The following SH3RF3 variants were observed in gnomAD, a reference collection of about 807,000 sequenced individuals.
SH3RF3 encodes SH3 domain containing ring finger 3.
In SH3RF3, 29 loss-of-function variants were observed where a neutral mutation model predicts 66.3. The observed-to-expected ratio is 0.44, with a 90% CI of 0.33 to 0.60. The LOEUF is 0.60. Ranked by LOEUF, SH3RF3 falls within the 20% of genes least tolerant of loss-of-function variation. The pLI is 0.04. For missense variants in SH3RF3, 1,194 were observed against 1,190.9 expected, an observed-to-expected ratio of 1.00 and a Z score of -0.04; for synonymous variants, 583 against 532.0, an observed-to-expected ratio of 1.10 and a Z score of -1.32.
chr2:109,157,007 A>C (rs2104893049), intron 1 of SH3RF3, among the ~76,000 whole-genome samples: 1 of 152,304 alleles, frequency 6.6e-6, no homozygotes, highest in East Asian at 1.9e-4. Flanking sequence ...TAAATGACAT[A>C]TTACTCCAGG....
At chr2:109,180,798 C>T (rs186081468) in intron 1 of SH3RF3, among the ~76,000 whole-genome samples, 1 of 152,298 alleles carries the variant, frequency 6.6e-6, no homozygotes, top group Non-Finnish European at 1.5e-5. Flanking sequence ...TCTGGTATGT[C>T]TATCAGCAGT....
chr2:109,422,504 C>T (rs1434721180), intron 5 of SH3RF3, among the ~76,000 whole-genome samples: 4 of 152,226 alleles, frequency 2.6e-5, no homozygotes, highest in East Asian at 1.9e-4. Context: ...CTCAGTTGCC[C>T]GGAAACACAA....
intron 9 of SH3RF3, among the ~76,000 whole-genome samples, chr2:109,494,856 C>T (rs1408144758): frequency 2.6e-5 from 4 of 152,252 alleles, no homozygotes; most frequent in South Asian, 2.1e-4. Context: ...GGAAAGAGAG[C>T]GGGCGCTGCT....
chr2:109,168,005 A>C (rs1286726953), intron 1 of SH3RF3, among the ~76,000 whole-genome samples: 1 of 152,166 alleles, frequency 6.6e-6, no homozygotes, highest in African/African-American at 2.4e-5. Context: ...TGATCTCTCT[A>C]AATGTGGCAT....
At chr2:109,275,133 C>G (rs1680724572) in intron 1 of SH3RF3, among the ~76,000 whole-genome samples, 1 of 152,030 alleles carries the variant, frequency 6.6e-6, no homozygotes, top group African/African-American at 2.4e-5. Flanking sequence ...TTATTATCAC[C>G]ACAGCAAGAG....
intron 3 of SH3RF3, among the ~76,000 whole-genome samples, chr2:109,387,725 C>T (rs1406170811): frequency 6.6e-6 from 1 of 152,226 alleles, no homozygotes; most frequent in Admixed American, 6.5e-5. Flanking sequence ...GAAATATTCA[C>T]TTATTCCTTG....
Position 109,334,097 on chromosome 2 carries a change from G to A in SH3RF3, c.574-13577G>A, listed in dbSNP as rs187696840. On this transcript the variant is annotated intron_variant, in intron 1 of 9. Transcript: ENST00000309415. ...CTCAAAACCAGGTTCAGAGGCTCAC[G>A]CCTATAATCCCAGCGCTTTGGGAGG... 4.8e-3 allele frequency among the ~76,000 whole-genome samples: 726 copies of A among 152,270 alleles called. 4 individuals are homozygous for A. The highest frequency in any genetic ancestry group is 7.3e-3 in the Non-Finnish European group (499 of 68,022).
chr2:109,285,578 G>A (rs1432770415), intron 1 of SH3RF3, among the ~76,000 whole-genome samples: 3 of 152,206 alleles, frequency 2.0e-5, no homozygotes, highest in Non-Finnish European at 4.4e-5. Flanking sequence ...GGTGCGTCAT[G>A]TTCTGGCCAC....
At chr2:109,279,805 G>T (rs968381786) in intron 1 of SH3RF3, among the ~76,000 whole-genome samples, 4 of 152,214 alleles carry the variant, frequency 2.6e-5, no homozygotes, top group Non-Finnish European at 4.4e-5. Flanking sequence ...GCAAGAAGAG[G>T]TCCGGGAGGA....
intron 1 of SH3RF3, among the ~76,000 whole-genome samples, chr2:109,315,588 A>G (rs186507340): frequency 5.9e-5 from 9 of 152,330 alleles, no homozygotes; most frequent in Admixed American, 5.9e-4. Context: ...TCTGTGCAGA[A>G]CTTTCAGAAA....
intron 9 of SH3RF3, among the ~76,000 whole-genome samples, chr2:109,493,633 G>A (rs1239496571): frequency 6.8e-6 from 1 of 147,820 alleles, no homozygotes; most frequent in East Asian, 2.0e-4. Flanking sequence ...CCCCACACAT[G>A]CTGCAAACAC....
At chr2:109,226,172 G>A (rs904802378) in intron 1 of SH3RF3, among the ~76,000 whole-genome samples, 1 of 152,142 alleles carries the variant, frequency 6.6e-6, no homozygotes, top group African/African-American at 2.4e-5. Context: ...CTGTTTCCCA[G>A]GTTTATGAAC....
intron 3 of SH3RF3, among the ~76,000 whole-genome samples, chr2:109,377,246 CT>C (rs1392384825): frequency 6.6e-6 from 1 of 152,188 alleles, no homozygotes; most frequent in East Asian, 1.9e-4. Context: ...CCTGAGGGTG[CT>C]GGACCTCCGT....
chr2:109,496,128 G>A (rs1332986302), intron 9 of SH3RF3, among the ~76,000 whole-genome samples: 6 of 152,250 alleles, frequency 3.9e-5, no homozygotes, highest in East Asian at 3.9e-4. Context: ...CTATCAGAAC[G>A]CCCTTTTTTC....
chr2:109,250,322 G>T (rs1287184780), intron 1 of SH3RF3, among the ~76,000 whole-genome samples: 2 of 151,976 alleles, frequency 1.3e-5, no homozygotes, highest in Admixed American at 6.5e-5. Context: ...CAACGTGGGG[G>T]TTTCTAAACA....
chr2:109,392,940 A>T (rs1400776552), intron 3 of SH3RF3, among the ~76,000 whole-genome samples: 1 of 152,156 alleles, frequency 6.6e-6, no homozygotes, highest in Non-Finnish European at 1.5e-5. Context: ...GAGGAGGGCG[A>T]AGGAACCAGT....
intron 1 of SH3RF3, among the ~76,000 whole-genome samples, chr2:109,150,855 A>G (rs1256939415): frequency 6.6e-6 from 1 of 152,194 alleles, no homozygotes; most frequent in Non-Finnish European, 1.5e-5. Context: ...TTACCATACT[A>G]TAAATGTGAA....
chr2:109,308,899 T>C (rs182098879), intron 1 of SH3RF3, among the ~76,000 whole-genome samples: 5 of 78,976 alleles, frequency 6.3e-5, no homozygotes, highest in South Asian at 3.6e-4. Flanking sequence ...ATTGACTTGG[T>C]GATGCGGGCC....
At chr2:109,180,691 C>T (rs1574490135) in intron 1 of SH3RF3, among the ~76,000 whole-genome samples, 2 of 152,188 alleles carry the variant, frequency 1.3e-5, no homozygotes, top group East Asian at 3.9e-4. Flanking sequence ...TAAGATGTGA[C>T]TTGCTCCTCC....
Sources: gnomAD v4.1 joint callset for allele counts (sites outside exome capture counted in the v4.1 genomes callset) on GRCh38, gnomAD v4.1.1 for gene constraint, MANE v1.5 for transcripts, NCBI Gene and HGNC (gene_info 2026-07-23, HGNC 2026-07-21) for gene names.